The following STK32B variants were observed in gnomAD, a reference collection of about 807,000 sequenced individuals.
STK32B encodes serine/threonine kinase 32B, also known as serine/threonine-protein kinase 32B.
In STK32B, 43 loss-of-function variants were observed where a neutral mutation model predicts 52.6. The observed-to-expected ratio is 0.82, with a 90% CI of 0.64 to 1.05. The LOEUF (loss-of-function observed/expected upper bound fraction) is 1.05. Ranked by LOEUF, STK32B falls within the 50% of genes least tolerant of loss-of-function variation. The pLI, the probability that STK32B is intolerant of heterozygous loss-of-function variation, is 0.00. For synonymous variants in STK32B, 238 were observed against 204.3 expected (o/e 1.17, Z -1.41); for missense variants, 621 against 534.6 (o/e 1.16, Z -1.59).
At chr4:5,066,915 T>C (rs1742447095) in intron 1 of STK32B, among the ~76,000 whole-genome samples, 1 of 152,216 alleles carries the variant, frequency 6.6e-6, no homozygotes, top group Admixed American at 6.5e-5. Context: ...GTCCCTGAAA[T>C]TATCACATGC....
In STK32B at chr4:5,319,355, C is replaced by T. The variant is rs182764677; in HGVS notation, c.261-11865C>T. Among the ~76,000 whole-genome samples the T allele has an allele frequency of 3.9e-5, 6 of 152,282 alleles. No individual in the cohort carries two copies. The East Asian group carries it at 1.2e-3, about 29-fold the overall frequency. Reference sequence around the variant, plus strand: ...CAATGAAGCAATATTGCCTCAACTGCTCTCCTGCCTAAAGCAAAGGTCCTC... The same window carrying T: ...CAATGAAGCAATATTGCCTCAACTGTTCTCCTGCCTAAAGCAAAGGTCCTC... On this transcript the variant is annotated intron_variant, in intron 3 of 11. Transcript: ENST00000282908.
chr4:5,371,632 G>T (rs1362847768), intron 4 of STK32B, among the ~76,000 whole-genome samples: 1 of 152,152 alleles, frequency 6.6e-6, no homozygotes, highest in East Asian at 1.9e-4. Context: ...GCTGTGCTCT[G>T]CGTGCCAAGC....
In STK32B at chr4:5,398,287, G is replaced by C; in HGVS notation, c.472+43G>C. 1.2e-6 allele frequency: 2 copies of C among 1,611,984 alleles called. No homozygotes were observed. The highest frequency in any genetic ancestry group is 1.7e-6 in the Non-Finnish European group (2 of 1,178,658). Reference sequence around the variant, plus strand: ...CCTTTACAGGGACTCTCAGTGGAAAGTTTGAGGCACTGGGAAATAGTGCGG... The same window carrying C: ...CCTTTACAGGGACTCTCAGTGGAAACTTTGAGGCACTGGGAAATAGTGCGG... On this transcript the variant is annotated intron_variant, in intron 5 of 11. Coordinates refer to ENST00000282908, the MANE Select transcript of STK32B (RefSeq NM_018401.3). This position sits in a 1 kb window ranked among gnomAD's most constrained non-coding sequence, Gnocchi z 4.9.
intron 4 of STK32B, among the ~76,000 whole-genome samples, chr4:5,385,155 C>T (rs1340447620): frequency 1.3e-5 from 2 of 152,012 alleles, no homozygotes; most frequent in Non-Finnish European, 2.9e-5. Flanking sequence ...GTGAGGCTTT[C>T]CCTCCTGGCC....
intron 3 of STK32B, among the ~76,000 whole-genome samples, chr4:5,229,051 A>T (rs1724064943): frequency 6.6e-6 from 1 of 152,182 alleles, no homozygotes; most frequent in African/African-American, 2.4e-5. Flanking sequence ...CAATATATAT[A>T]CCTTAATTAA....
intron 3 of STK32B, among the ~76,000 whole-genome samples, chr4:5,284,540 A>G (rs1336694177): frequency 6.6e-6 from 1 of 152,200 alleles, no homozygotes; most frequent in Non-Finnish European, 1.5e-5. Flanking sequence ...AAATGTATTA[A>G]AGCTTACACA....
At chr4:5,201,980 G>A (rs952392102) in intron 3 of STK32B, among the ~76,000 whole-genome samples, 4 of 152,048 alleles carry the variant, frequency 2.6e-5, no homozygotes, top group African/African-American at 4.8e-5. Context: ...ACACAATCAC[G>A]CCTTCCCAAC....
At chr4:5,052,005 G>T in intron 1 of STK32B, 90 bp downstream of exon 1, 18 of 1,530,864 alleles carry the variant, frequency 1.2e-5, no homozygotes, top group Non-Finnish European at 1.2e-5. Flanking sequence ...ACCGCATGCT[G>T]CCCGGCGCGG....
At chr4:5,244,497 A>G (rs954072496) in intron 3 of STK32B, among the ~76,000 whole-genome samples, 3 of 151,186 alleles carry the variant, frequency 2.0e-5, no homozygotes, top group Non-Finnish European at 4.4e-5. Context: ...CTAGTGGTCT[A>G]TCAATTTTGT....
chr4:5,220,754 A>G (rs1577208260), intron 3 of STK32B, among the ~76,000 whole-genome samples: 1 of 152,282 alleles, frequency 6.6e-6, no homozygotes, highest in East Asian at 1.9e-4. Flanking sequence ...ATGGCAGCAC[A>G]GAATTGAGTG....
intron 11 of STK32B, among the ~76,000 whole-genome samples, chr4:5,481,947 T>TCTGTTTTGGTACCAGTACCATG (rs1718749931): frequency 6.6e-6 from 1 of 152,204 alleles, no homozygotes; most frequent in African/African-American, 2.4e-5. Flanking sequence ...GGTCTGTATC[T>TCTGTTTTGGTACCAGTACCATG]CTGTTTTGGT....
chr4:5,204,968 G>A (rs1202262048), intron 3 of STK32B, among the ~76,000 whole-genome samples: 1 of 152,160 alleles, frequency 6.6e-6, no homozygotes, highest in Admixed American at 6.5e-5. Context: ...TGTTTCCAAA[G>A]CAGATTAGCA....
chr4:5,250,290 T>A lies in STK32B; in HGVS notation c.261-80930T>A, dbSNP rs114231040. 4.3e-3 allele frequency among the ~76,000 whole-genome samples: 644 copies of A among 151,184 alleles called. 2 individuals carry two copies. Among genetic ancestry groups the A allele is most frequent in the African/African-American group, 0.014 (585 of 41,120 alleles). On this transcript the variant is annotated intron_variant, in intron 3 of 11. Coordinates refer to ENST00000282908, the MANE Select transcript of STK32B (RefSeq NM_018401.3). ...CCAAAGGTAGAATTAGTGGAATGAA[T>A]GGTAATTCTGTTTTAAGTTCTTTTT...
intron 1 of STK32B, among the ~76,000 whole-genome samples, chr4:5,122,636 C>G (rs948518731): frequency 2.6e-5 from 4 of 152,154 alleles, no homozygotes; most frequent in Non-Finnish European, 4.4e-5. Context: ...CATTCACTCA[C>G]TCACTCATTT....
intron 4 of STK32B, among the ~76,000 whole-genome samples, chr4:5,362,250 C>T (rs904445938): frequency 6.6e-6 from 1 of 151,998 alleles, no homozygotes; most frequent in Admixed American, 6.5e-5. Context: ...AAGTCATAGA[C>T]AGTCAGCTAA....
At chr4:5,260,882 G>C (rs1004823127) in intron 3 of STK32B, among the ~76,000 whole-genome samples, 1 of 152,140 alleles carries the variant, frequency 6.6e-6, no homozygotes, top group Non-Finnish European at 1.5e-5. Flanking sequence ...GCTGGCCTTG[G>C]TGCAGTCTCA....
At chr4:5,279,040 TATC>T (rs1398060000) in intron 3 of STK32B, among the ~76,000 whole-genome samples, 1 of 152,084 alleles carries the variant, frequency 6.6e-6, no homozygotes, top group Admixed American at 6.5e-5. Context: ...AGCCAAACCA[TATC>T]ATTCTGCCCC....
chr4:5,433,653 G>A (rs1713783010), intron 6 of STK32B, among the ~76,000 whole-genome samples: 1 of 152,280 alleles, frequency 6.6e-6, no homozygotes, highest in Admixed American at 6.5e-5. Context: ...TCCCAGTCAA[G>A]AAGAGAGCAA....
At chr4:5,436,177 T>C (rs1577493520) in intron 6 of STK32B, among the ~76,000 whole-genome samples, 1 of 152,142 alleles carries the variant, frequency 6.6e-6, no homozygotes, top group African/African-American at 2.4e-5. Flanking sequence ...AAATTAAAAA[T>C]AGGAAAGATT....
Sources: gnomAD v4.1 joint callset for allele counts (sites outside exome capture counted in the v4.1 genomes callset) on GRCh38, gnomAD v4.1.1 for gene constraint, Gnocchi (gnomAD v3.1) non-coding constraint, MANE v1.5 for transcripts, NCBI Gene and HGNC (gene_info 2026-07-23, HGNC 2026-07-21) for gene names.